The following EIF5B variants were observed in gnomAD, a reference collection of about 807,000 sequenced individuals.
EIF5B encodes eukaryotic translation initiation factor 5B, also known as eIF-5B.
A neutral mutation model predicts 147.5 loss-of-function variants in EIF5B; 47 were observed. The observed-to-expected ratio is 0.32, with a 90% CI of 0.25 to 0.41. The LOEUF is 0.41. Among genes scored for constraint, EIF5B ranks in the 10% least tolerant of loss-of-function variants. The pLI is 1.00. For synonymous variants in EIF5B, 455 were observed against 456.2 expected, an observed-to-expected ratio of 1.00 and a Z score of 0.03; for missense variants, 1,064 against 1,413.2, an observed-to-expected ratio of 0.75 and a Z score of 3.96.
rs1462641163 is a variant in EIF5B, at chr2:99,398,754, G to A, written c.3400G>A (p.Asp1134Asn). 1 of 1,608,118 alleles carries A rather than the reference G, an allele frequency of 6.2e-7. No homozygotes were observed. Among genetic ancestry groups the A allele is most frequent in the Admixed American group, 1.7e-5 (1 of 58,866 alleles). Residue 1134 changes from aspartate (D) to asparagine (N), a missense_variant, in exon 23 of 24, where the codon GAC becomes AAC. By Grantham distance (23) the Asp-to-Asn change is conservative. Transcript: ENST00000289371. ...PMCVPSKNFV[D>N]IGIVTSIEIN... ...ATTTGTTCTTATTTTATAGTTTGTT[G>A]ACATCGGAATAGTAACAAGTATTGA...
Position 99,360,379 on chromosome 2 carries a change from A to T in EIF5B, c.161+18A>T. The T allele has an allele frequency of 6.3e-7, 1 of 1,577,646 alleles. No homozygotes were observed. Among genetic ancestry groups the T allele is most frequent in the South Asian group, 1.2e-5 (1 of 85,566 alleles). ...GACTTTGAGTAAGTATATTTTAAAT[A>T]TATTTGATTTTTATTTGTTTTGGTA... On this transcript the variant is annotated intron_variant, in intron 2 of 23. Coordinates refer to ENST00000289371, the MANE Select transcript of EIF5B (RefSeq NM_015904.4).
Position 99,382,910 on chromosome 2 carries a change from G to T in EIF5B, c.2260G>T (p.Ala754Ser), listed in dbSNP as rs754637828. Reference protein sequence around the residue: ...LKSKKCPFIVALNKIDRLYDW... With the variant: ...LKSKKCPFIVSLNKIDRLYDW... ...ATCTAAAAAATGTCCCTTCATTGTTGCACTCAATAAGGTATGTGCGCCTTC... is the reference window on the plus strand; with the variant it reads ...ATCTAAAAAATGTCCCTTCATTGTTTCACTCAATAAGGTATGTGCGCCTTC... The change falls in exon 14 of 24, where the codon GCA becomes TCA. Residue 754 changes from alanine (A) to serine (S), a missense_variant. Ala to Ser is a moderately conservative substitution (Grantham distance 99, BLOSUM62 1). Transcript: ENST00000289371. The T allele has an allele frequency of 1.2e-6, 2 of 1,606,598 alleles. No individual in the cohort carries two copies. Among genetic ancestry groups the T allele is most frequent in the Non-Finnish European group, 1.7e-6 (2 of 1,177,866 alleles).
rs1381589504 is a variant in EIF5B, at chr2:99,363,585, G to A, written c.920-60G>A. 8.6e-6 allele frequency: 13 copies of A among 1,508,490 alleles called. No homozygotes were observed. The East Asian group carries it at 1.6e-4, about 18-fold the overall frequency. 93.4% of individuals were successfully genotyped at this position (1,508,490 alleles called of 1,614,324 possible). A position where few individuals can be genotyped will look rare whatever the true frequency, so the allele number is the denominator to read the frequency against. On this transcript the variant is annotated intron_variant, in intron 4 of 23. Coordinates refer to ENST00000289371, the MANE Select transcript of EIF5B (RefSeq NM_015904.4). ...CTTGAATTGTGGTTGGGTTTTGCTC[G>A]TCATCACCACAGGGAATTGTTTTTT...
intron 1 of EIF5B, 89 bp downstream of exon 1, chr2:99,337,678 T>A: frequency 6.8e-7 from 1 of 1,476,416 alleles, no homozygotes; most frequent in Non-Finnish European, 9.1e-7. Context: ...GACCGGGGTC[T>A]GGGCTCGCGA....
Position 99,337,463 on chromosome 2 carries a change from A to G in EIF5B, c.-92A>G. 6.6e-7 allele frequency: 1 copy of G among 1,520,026 alleles called. No individual in the cohort carries two copies. The highest frequency in any genetic ancestry group is 9.0e-7 in the Non-Finnish European group (1 of 1,115,796). The allele number at this position is 1,520,026 out of a possible 1,614,324, so 94.2% of individuals were successfully genotyped here. The stretch of plus-strand genomic sequence containing the variant: ...CGAGCGGCGGCAGCACGAGGGGAAA[A>G]GAGCTGAGCGGAGACCAAAGTCAGC... On this transcript the variant is annotated 5_prime_UTR_variant, in exon 1 of 24. Coordinates refer to ENST00000289371, the MANE Select transcript of EIF5B (RefSeq NM_015904.4).
chr2:99,393,640 C>T (rs568212219), intron 18 of EIF5B, among the ~76,000 whole-genome samples: 82 of 152,238 alleles, frequency 5.4e-4, no homozygotes, highest in African/African-American at 1.8e-3. Context: ...CTCTTGTGTC[C>T]TGGGGCCGTG....
intron 6 of EIF5B, among the ~76,000 whole-genome samples, chr2:99,366,508 T>C (rs2104190534): frequency 6.6e-6 from 1 of 152,220 alleles, no homozygotes; most frequent in East Asian, 2.0e-4. Flanking sequence ...CATTCTTCAG[T>C]ACATGCACAA....
intron 17 of EIF5B, among the ~76,000 whole-genome samples, chr2:99,392,688 T>G (rs1448598096): frequency 1.3e-5 from 2 of 152,208 alleles, no homozygotes. Context: ...TGCATTATCT[T>G]TCTTACAGAT....
chr2:99,368,433 G>A (rs1390596526), intron 6 of EIF5B, 60 bp from the exon 7 acceptor site: 6 of 1,201,154 alleles, frequency 5.0e-6, no homozygotes, highest in Non-Finnish European at 6.2e-6. Context: ...CCTTTAAATA[G>A]TACTTCTCAG....
intron 1 of EIF5B, among the ~76,000 whole-genome samples, chr2:99,347,315 G>T (rs1197360849): frequency 6.6e-6 from 1 of 152,106 alleles, no homozygotes; most frequent in Non-Finnish European, 1.5e-5. Flanking sequence ...CCCCCAAATA[G>T]TCTTATATCA....
intron 14 of EIF5B, among the ~76,000 whole-genome samples, chr2:99,386,435 G>T (rs1674807130): frequency 1.3e-5 from 2 of 150,684 alleles, no homozygotes; most frequent in South Asian, 2.1e-4. Context: ...TATGGTCTGG[G>T]ACTTGGTTTT....
At position 99,360,490 on chromosome 2, in the gene EIF5B, G is replaced by A; in HGVS notation, c.187G>A (p.Glu63Lys). The A allele has an allele frequency of 6.2e-7, 1 of 1,613,642 alleles. No individual in the cohort carries two copies. ...TGAAGATGATATCCTGAAAGAACTG[G>A]AAGAATTGTCTTTGGAAGCTCAAGG... ...FDEDDILKEL[E>K]ELSLEAQGIK... The change falls in exon 3 of 24, where the codon GAA becomes AAA. Residue 63 changes from glutamate to lysine, a missense_variant. By Grantham distance (56) the Glu-to-Lys change is moderately conservative. Coordinates refer to ENST00000289371, the MANE Select transcript of EIF5B (RefSeq NM_015904.4).
intron 1 of EIF5B, among the ~76,000 whole-genome samples, chr2:99,359,067 ATT>A (rs1674150416): frequency 1.3e-5 from 2 of 152,156 alleles, no homozygotes; most frequent in African/African-American, 4.8e-5. Flanking sequence ...CTCTTTAGAA[ATT>A]TTCTTTACTG....
intron 14 of EIF5B, among the ~76,000 whole-genome samples, chr2:99,388,988 G>A (rs1489903709): frequency 6.6e-6 from 1 of 152,038 alleles, no homozygotes; most frequent in African/African-American, 2.4e-5. Context: ...TTATTATTTA[G>A]CTTTACAAGC....
intron 8 of EIF5B, among the ~76,000 whole-genome samples, chr2:99,370,370 A>T (rs1371926537): frequency 6.6e-6 from 1 of 152,196 alleles, no homozygotes; most frequent in Non-Finnish European, 1.5e-5. Flanking sequence ...TAAAGATAGG[A>T]TCAGGAATGG....
chr2:99,348,204 A>G (rs898594830), intron 1 of EIF5B, among the ~76,000 whole-genome samples: 1 of 152,232 alleles, frequency 6.6e-6, no homozygotes, highest in Non-Finnish European at 1.5e-5. Context: ...TTTGCATTGC[A>G]TTGTATAATA....
intron 22 of EIF5B, chr2:99,397,681 A>G (rs1675083973): frequency 6.6e-6 from 1 of 152,280 alleles, no homozygotes; most frequent in African/African-American, 2.4e-5. Context: ...GGAAAGTGCT[A>G]GACGCCAACC....
At chr2:99,363,348 C>T (rs994188165) in intron 4 of EIF5B, among the ~76,000 whole-genome samples, 3 of 152,152 alleles carry the variant, frequency 2.0e-5, no homozygotes, top group Admixed American at 6.5e-5. Flanking sequence ...TTTAGAGATA[C>T]ATTAGGTACA....
chr2:99,371,597 A>G (rs1674453509), intron 8 of EIF5B, 59 bp from the exon 9 acceptor site: 2 of 1,486,128 alleles, frequency 1.3e-6, no homozygotes, highest in South Asian at 2.6e-5. Flanking sequence ...ACTTTTTTCT[A>G]AAAGACCTTC....
Sources: gnomAD v4.1 joint callset for allele counts (sites outside exome capture counted in the v4.1 genomes callset) on GRCh38, gnomAD v4.1.1 for gene constraint, MANE v1.5 for transcripts, NCBI Gene and HGNC (gene_info 2026-07-23, HGNC 2026-07-21) for gene names.